SUGCT: variants seen among roughly 807,000 people sequenced by gnomAD.
The protein encoded by SUGCT is succinyl-CoA:glutarate-CoA transferase.
Under a neutral mutation model 55.0 loss-of-function variants are expected in SUGCT, and 41 were observed. The ratio of observed to expected loss-of-function variants is 0.74; its 90% CI spans 0.58 to 0.97. The LOEUF (loss-of-function observed/expected upper bound fraction) is 0.97, where lower values mean the gene tolerates loss of function less well. Ranked by LOEUF, SUGCT falls within the 50% of genes least tolerant of loss-of-function variation. The pLI is 0.00. For synonymous variants in SUGCT, 187 were observed against 200.4 expected (o/e 0.93, Z 0.56); for missense variants, 568 against 547.8 (o/e 1.04, Z -0.37).
At chr7:40,366,469 G>A (rs1282040147) in intron 9 of SUGCT, among the ~76,000 whole-genome samples, 1 of 152,028 alleles carries the variant, frequency 6.6e-6, no homozygotes, top group Non-Finnish European at 1.5e-5. Context: ...CCATCAGAGT[G>A]AACAGGCAAC....
the SUGCT span, among the ~76,000 whole-genome samples, chr7:41,010,799 GA>G: frequency 2.6e-5 from 4 of 151,804 alleles, no homozygotes; most frequent in South Asian, 2.1e-4. Context: ...GAAAAACAAA[GA>G]AAAAAAATAA....
At chr7:40,784,808 G>A (rs1207750382) in intron 13 of SUGCT, among the ~76,000 whole-genome samples, 2 of 152,092 alleles carry the variant, frequency 1.3e-5, no homozygotes, top group African/African-American at 2.4e-5. Context: ...GTTACCTGTA[G>A]CAAGTCACTT....
intron 8 of SUGCT, among the ~76,000 whole-genome samples, chr7:40,276,550 C>T (rs1285875122): frequency 6.6e-6 from 1 of 152,088 alleles, no homozygotes; most frequent in Non-Finnish European, 1.5e-5. Context: ...CTTAAGTCTC[C>T]TGATTTTTAC....
chr7:40,863,937 TATTTCC>T (rs1338376379), downstream of SUGCT, among the ~76,000 whole-genome samples: 2 of 152,116 alleles, frequency 1.3e-5, no homozygotes, highest in African/African-American at 4.8e-5. Context: ...AAAAGATGCA[TATTTCC>T]ATTTCAAACA....
chr7:40,744,334 G>A (rs1301909903), intron 12 of SUGCT, among the ~76,000 whole-genome samples: 2 of 152,056 alleles, frequency 1.3e-5, no homozygotes, highest in African/African-American at 2.4e-5. Flanking sequence ...TTGTATCTGT[G>A]GTGCCAGAGT....
intron 6 of SUGCT, among the ~76,000 whole-genome samples, chr7:40,206,147 C>T (rs1357117947): frequency 6.6e-6 from 1 of 152,128 alleles, no homozygotes; most frequent in Admixed American, 6.5e-5. Flanking sequence ...ACTTAGCCAC[C>T]ATCCAAAAAC....
At chr7:40,276,631 T>G (rs1426125502) in intron 8 of SUGCT, among the ~76,000 whole-genome samples, 1 of 152,202 alleles carries the variant, frequency 6.6e-6, no homozygotes, top group African/African-American at 2.4e-5. Flanking sequence ...TTTAATTCAC[T>G]TCTAGCATCT....
the SUGCT span, among the ~76,000 whole-genome samples, chr7:40,956,853 T>G: frequency 6.6e-6 from 1 of 152,212 alleles, no homozygotes; most frequent in African/African-American, 2.4e-5. Context: ...ACTTATTTAT[T>G]TCTGCCTTAA....
chr7:40,713,694 A>T lies in SUGCT; in HGVS notation c.1090-35740A>T, dbSNP rs550301061. On this transcript the variant is annotated intron_variant, in intron 12 of 13. Transcript: ENST00000335693. ...TCTTCATATTCTGTAGCATGTGCAA[A>T]TCCTTCTCTGCACTTACACATCTAG... 1.7e-3 allele frequency among the ~76,000 whole-genome samples: 261 copies of T among 152,280 alleles called. 1 individual carries two copies. Among genetic ancestry groups the T allele is most frequent in the Non-Finnish European group, 2.8e-3 (188 of 68,038 alleles).
At chr7:40,965,980 A>G in the SUGCT span, 2 of 152,196 alleles carry the variant, frequency 1.3e-5, no homozygotes, top group Admixed American at 1.3e-4. Context: ...TTTCCCCCGC[A>G]TTGTCACTCT....
chr7:40,314,968 A>G (rs1383822921), intron 8 of SUGCT, among the ~76,000 whole-genome samples: 1 of 152,118 alleles, frequency 6.6e-6, no homozygotes, highest in Non-Finnish European at 1.5e-5. Context: ...CTATTTTGCA[A>G]ATTGTGTTTT....
At chr7:40,958,043 T>G in the SUGCT span, among the ~76,000 whole-genome samples, 4 of 152,222 alleles carry the variant, frequency 2.6e-5, no homozygotes, top group Admixed American at 2.6e-4. Context: ...GTTAGTGTGA[T>G]GGGCCTCCCT....
chr7:40,938,436 T>A, the SUGCT span, among the ~76,000 whole-genome samples: 1 of 152,136 alleles, frequency 6.6e-6, no homozygotes, highest in African/African-American at 2.4e-5. Flanking sequence ...AATAACACAG[T>A]AATTTATAAC....
intron 9 of SUGCT, among the ~76,000 whole-genome samples, chr7:40,322,817 A>T (rs1392975693): frequency 2.0e-5 from 3 of 151,934 alleles, no homozygotes; most frequent in African/African-American, 7.3e-5. Flanking sequence ...ACTAGGCATG[A>T]TGGCACAAGC....
chr7:40,832,570 T>TTTG (rs1486519754), intron 13 of SUGCT, among the ~76,000 whole-genome samples: 1 of 151,288 alleles, frequency 6.6e-6, no homozygotes, highest in African/African-American at 2.4e-5. Flanking sequence ...TTGTTTTTTT[T>TTTG]TTTTCCCGGA....
chr7:40,217,467 C>T (rs917466162), intron 6 of SUGCT: 5 of 444,664 alleles, frequency 1.1e-5, no homozygotes, highest in African/African-American at 4.0e-5. Context: ...CGGCTCTGGT[C>T]TCCCAAAGTG....
At chr7:41,012,671 C>T in the SUGCT span, among the ~76,000 whole-genome samples, 1,303 of 152,150 alleles carry the variant, frequency 8.6e-3, 14 homozygotes, top group African/African-American at 0.028. Context: ...CTTCAATTCT[C>T]TCTAGACAGT....
At chr7:40,862,540 G>T (rs968906903), downstream of SUGCT, among the ~76,000 whole-genome samples, 5 of 152,084 alleles carry the variant, frequency 3.3e-5, no homozygotes, top group Admixed American at 1.3e-4. Flanking sequence ...AATTATCGGG[G>T]CCTATTATCT....
intron 12 of SUGCT, among the ~76,000 whole-genome samples, chr7:40,568,324 C>G (rs1363948539): frequency 6.6e-6 from 1 of 152,088 alleles, no homozygotes; most frequent in East Asian, 1.9e-4. Context: ...CAGTGATACA[C>G]ACACACACAT....
Sources: gnomAD v4.1 joint callset for allele counts (sites outside exome capture counted in the v4.1 genomes callset) on GRCh38, gnomAD v4.1.1 for gene constraint, MANE v1.5 for transcripts, NCBI Gene and HGNC (gene_info 2026-07-23, HGNC 2026-07-21) for gene names.